Variants in LARGE1 observed in about 807,000 individuals in gnomAD.
LARGE1 encodes the protein xylosyl- and glucuronyltransferase LARGE1.
In LARGE1, 43 loss-of-function variants were observed where a neutral mutation model predicts 87.6. That is an observed-to-expected ratio of 0.49 (90% CI 0.38 to 0.63). The LOEUF (loss-of-function observed/expected upper bound fraction) is 0.63. Ranked by LOEUF, LARGE1 falls within the 30% of genes least tolerant of loss-of-function variation. LARGE1 has a pLI of 0.00. For synonymous variants in LARGE1, 434 were observed against 394.6 expected, an observed-to-expected ratio of 1.10 and a Z score of -1.18; for missense variants, 802 against 1,000.2, an observed-to-expected ratio of 0.80 and a Z score of 2.67.
chr22:33,372,574 C>T lies in LARGE1; in HGVS notation c.1131+9345G>A, dbSNP rs5754539. On this transcript the variant is annotated intron_variant, in intron 9 of 14. Coordinates refer to ENST00000397394, the MANE Select transcript of LARGE1 (RefSeq NM_133642.5). ...AACTTCTTATAAAACCATCAGATCT[C>T]GTAAGACCTATTTACTACCATGAGA... 4.6e-5 allele frequency among the ~76,000 whole-genome samples: 7 copies of T among 152,172 alleles called. No homozygotes were observed. In the East Asian group the frequency reaches 7.7e-4, roughly 17 times the overall value.
At chr22:33,343,751 G>C (rs930236905) in intron 9 of LARGE1, among the ~76,000 whole-genome samples, 5 of 152,146 alleles carry the variant, frequency 3.3e-5, no homozygotes, top group Non-Finnish European at 7.4e-5. Context: ...GACTAGCCCA[G>C]GGTCACTAAG....
chr22:33,839,355 G>C (rs1041271050), intron 1 of LARGE1, among the ~76,000 whole-genome samples: 1 of 152,150 alleles, frequency 6.6e-6, no homozygotes, highest in Non-Finnish European at 1.5e-5. Context: ...CCATTCATGA[G>C]GAATCAGTCC....
intron 12 of LARGE1, among the ~76,000 whole-genome samples, chr22:33,299,103 T>C (rs1382020801): frequency 6.6e-6 from 1 of 151,684 alleles, no homozygotes; most frequent in South Asian, 2.1e-4. Flanking sequence ...TCCCAGCTAC[T>C]GGGGAGACTA....
At chr22:33,519,235 CGTGTGTGTGTGT>C (rs3071590) in intron 6 of LARGE1, among the ~76,000 whole-genome samples, 2 of 149,544 alleles carry the variant, frequency 1.3e-5, no homozygotes, top group Non-Finnish European at 3.0e-5. Context: ...CGTGCGCGCG[CGTGTGTGTGTGT>C]GTGTGTGTGT....
At chr22:33,595,578 G>T (rs571371031) in intron 5 of LARGE1, among the ~76,000 whole-genome samples, 18 of 152,288 alleles carry the variant, frequency 1.2e-4, no homozygotes, top group Admixed American at 9.8e-4. Context: ...TGTCACCTAG[G>T]CTCCATACAC....
At chr22:33,692,457 C>A (rs1239794523) in intron 2 of LARGE1, among the ~76,000 whole-genome samples, 1 of 152,172 alleles carries the variant, frequency 6.6e-6, no homozygotes, top group Non-Finnish European at 1.5e-5. Context: ...AGTACAGGCA[C>A]CCGTCATCAC....
At chr22:33,101,065 G>A in the LARGE1 span, among the ~76,000 whole-genome samples, 3 of 151,908 alleles carry the variant, frequency 2.0e-5, no homozygotes, top group East Asian at 3.9e-4. Context: ...GGCTGGTCTC[G>A]AACTCCTGAC....
intron 3 of LARGE1, among the ~76,000 whole-genome samples, chr22:33,643,634 T>C (rs533136053): frequency 1.3e-5 from 2 of 152,146 alleles, no homozygotes; most frequent in South Asian, 4.2e-4. Flanking sequence ...GTTGGTCTTT[T>C]GAAAAGATTA....
chr22:33,666,266 G>A (rs998141747), intron 2 of LARGE1, among the ~76,000 whole-genome samples: 2 of 152,180 alleles, frequency 1.3e-5, no homozygotes, highest in Admixed American at 1.3e-4. Flanking sequence ...GAACAAGCGA[G>A]GCTGATAAAG....
intron 7 of LARGE1, among the ~76,000 whole-genome samples, chr22:33,389,905 C>G (rs1456333659): frequency 6.6e-6 from 1 of 151,894 alleles, no homozygotes; most frequent in African/African-American, 2.4e-5. Flanking sequence ...CAAAAAAAAC[C>G]AAGCTAAAAT....
chr22:33,351,961 T>C (rs1940427887), intron 9 of LARGE1, among the ~76,000 whole-genome samples: 1 of 152,078 alleles, frequency 6.6e-6, no homozygotes, highest in South Asian at 2.1e-4. Flanking sequence ...ATGGTCTAGA[T>C]CTCTTGCGCT....
At chr22:33,906,484 G>C (rs1268770838) in intron 1 of LARGE1, among the ~76,000 whole-genome samples, 1 of 152,170 alleles carries the variant, frequency 6.6e-6, no homozygotes. Flanking sequence ...ACCTCTCCAA[G>C]CCTCAGTTTC....
chr22:33,265,364 A>T lies in LARGE1; in HGVS notation c.1730+38865T>A, dbSNP rs555567618. On this transcript the variant is annotated intron_variant, in intron 11 of 11. Coordinates refer to the LARGE1 transcript ENST00000608642. Reference sequence around the variant, plus strand: ...CCCTCATTCCACTGGTTGGCTATCCATCTCCAGCTATCCTTGCTGTATTCA... The same window carrying T: ...CCCTCATTCCACTGGTTGGCTATCCTTCTCCAGCTATCCTTGCTGTATTCA... Among the ~76,000 whole-genome samples the T allele has an allele frequency of 1.8e-4, 27 of 152,272 alleles. No homozygotes were observed. The East Asian group carries it at 5.0e-3, about 28-fold the overall frequency.
intron 2 of LARGE1, among the ~76,000 whole-genome samples, chr22:33,678,239 A>C (rs1159611817): frequency 1.3e-5 from 2 of 152,246 alleles, no homozygotes; most frequent in East Asian, 3.8e-4. Context: ...TTTTACGTAA[A>C]GGGATACTAT....
intron 1 of LARGE1, among the ~76,000 whole-genome samples, chr22:33,907,844 G>C (rs1386523671): frequency 6.6e-6 from 1 of 152,136 alleles, no homozygotes; most frequent in Middle Eastern, 3.4e-3. Flanking sequence ...TGATCCACCC[G>C]CCTCGGCCTC....
intron 6 of LARGE1, among the ~76,000 whole-genome samples, chr22:33,440,755 C>T (rs1448477780): frequency 3.3e-5 from 5 of 152,156 alleles, no homozygotes; most frequent in Admixed American, 1.3e-4. Flanking sequence ...GCACACAGAA[C>T]GATATTTAAA....
At chr22:33,919,127 AC>A (rs2065870461) in intron 1 of LARGE1, among the ~76,000 whole-genome samples, 5 of 150,400 alleles carry the variant, frequency 3.3e-5, no homozygotes, top group African/African-American at 1.2e-4. Context: ...AAAGAGTCCA[AC>A]CCCATTAAAC....
chr22:33,798,094 GA>G (rs1445544240), intron 1 of LARGE1, among the ~76,000 whole-genome samples: 3 of 152,092 alleles, frequency 2.0e-5, no homozygotes, highest in African/African-American at 7.2e-5. Context: ...CCAACATGGC[GA>G]AAACCCGTCT....
At chr22:33,453,458 C>T (rs749640627) in intron 6 of LARGE1, among the ~76,000 whole-genome samples, 16 of 152,018 alleles carry the variant, frequency 1.1e-4, no homozygotes, top group Non-Finnish European at 1.6e-4. Context: ...ACTTGGACAG[C>T]TACATACTTC....
Sources: allele counts gnomAD v4.1 joint callset (sites outside exome capture counted in the v4.1 genomes callset), GRCh38; gene constraint gnomAD v4.1.1; transcripts MANE v1.5; gene names NCBI Gene and HGNC (gene_info 2026-07-23, HGNC 2026-07-21).